LYG2: variants seen among roughly 807,000 people sequenced by gnomAD.
LYG2 encodes lysozyme g2.
A neutral mutation model predicts 22.4 loss-of-function variants in LYG2; 25 were observed. That is an observed-to-expected ratio of 1.12 (90% confidence interval 0.81 to 1.56). LYG2 has a LOEUF of 1.56. Among genes scored for constraint, LYG2 ranks in the 40% most tolerant of loss-of-function variants. LYG2 has a pLI of 0.00. For missense variants in LYG2, 266 were observed against 269.5 expected, an observed-to-expected ratio of 0.99 and a Z score of 0.09; for synonymous variants, 88 against 97.0, an observed-to-expected ratio of 0.91 and a Z score of 0.55.
Position 99,255,537 on chromosome 2 carries a change from A to G in LYG2, c.-144+66T>C, listed in dbSNP as rs1366961853. 3.3e-5 allele frequency among the ~76,000 whole-genome samples: 5 copies of G among 152,234 alleles called. No individual in the cohort carries two copies. The East Asian group carries it at 5.8e-4, about 18-fold the overall frequency. Reference sequence around the variant, plus strand: ...GCTTCTAAATTTGCGAATAAGAAACAGATAATTCACTTTAAAAGGATAACA... The same window carrying G: ...GCTTCTAAATTTGCGAATAAGAAACGGATAATTCACTTTAAAAGGATAACA... On this transcript the variant is annotated intron_variant, in intron 1 of 6. Transcript: ENST00000333017.
At chr2:99,250,576 A>G (rs13409401) in intron 3 of LYG2, among the ~76,000 whole-genome samples, 2,854 of 150,956 alleles carry the variant, frequency 0.019, 99 homozygotes, top group African/African-American at 0.065. Context: ...GGGTTTCAGC[A>G]TGTTAGCCAG....
rs201233687 is a variant in LYG2, at chr2:99,242,434, G to A, written c.569C>T (p.Ser190Leu). 87 of 1,613,334 alleles carry A rather than the reference G, an allele frequency of 5.4e-5. No homozygotes were observed. The highest frequency in any genetic ancestry group is 9.9e-5 in the South Asian group (9 of 90,900). ...KSGIEAIATP[S>L]DIDNDFVNDI... The stretch of plus-strand genomic sequence containing the variant: ...ATTGACGAAGTCATTGTCTATGTCC[G>A]ATGGGGTGGCAATCGCTTCAATTCC... Residue 190 changes from serine to leucine, a missense_variant, in exon 7 of 7, where the codon TCG becomes TTG. Physicochemically the swap from Ser to Leu is moderately radical, Grantham distance 145. Coordinates refer to ENST00000333017, the MANE Select transcript of LYG2 (RefSeq NM_175735.4).
At position 99,244,021 on chromosome 2, in the gene LYG2, C is replaced by G; in HGVS notation, c.498G>C (p.Trp166Cys). 6.2e-7 allele frequency: 1 copy of G among 1,614,080 alleles called. No individual in the cohort carries two copies. Among genetic ancestry groups the G allele is most frequent in the Admixed American group, 1.7e-5 (1 of 60,010 alleles). Residue 166 changes from tryptophan to cysteine, a missense_variant, in exon 6 of 7, where the codon TGG (tryptophan) becomes TGC (cysteine). Coordinates refer to ENST00000333017, the MANE Select transcript of LYG2 (RefSeq NM_175735.4). Reference sequence around the variant, plus strand: ...TACCTTTGAGGTGCTGAGCAACACTCCACGTGGGGAATTTTTTCTGGATTG... The same window carrying G: ...TACCTTTGAGGTGCTGAGCAACACTGCACGTGGGGAATTTTTTCTGGATTG... ...IKAIQKKFPT[W>C]SVAQHLKGGL...
intron 3 of LYG2, among the ~76,000 whole-genome samples, chr2:99,248,817 AAAG>A (rs1424389483): frequency 6.6e-6 from 1 of 151,804 alleles, no homozygotes. Context: ...GAAAGATAAG[AAAG>A]AAGGGCACCA....
At position 99,242,310 on chromosome 2, in the gene LYG2, T is replaced by G; in HGVS notation, c.*54A>C. 1 of 979,924 alleles carries G rather than the reference T, an allele frequency of 1.0e-6. No individual in the cohort carries two copies. Among genetic ancestry groups the G allele is most frequent in the South Asian group, 1.5e-5 (1 of 67,206 alleles). 60.7% of individuals were successfully genotyped at this position (979,924 alleles called of 1,614,324 possible). On this transcript the variant is annotated 3_prime_UTR_variant, in exon 7 of 7. Transcript: ENST00000333017. ...TATACAACACATTCACGTAAAACTC[T>G]CAAAGGCGGCCATCTGAGCACTCTG... is the stretch of plus-strand genomic sequence containing the variant.
In LYG2 at chr2:99,250,585, A is replaced by G. The variant is rs531703803; in HGVS notation, c.43+3633T>C. Among the ~76,000 whole-genome samples, 376 of 152,316 alleles carry G rather than the reference A, an allele frequency of 2.5e-3. 3 individuals are homozygous for G. The highest frequency in any genetic ancestry group is 8.4e-3 in the African/African-American group (348 of 41,578). On this transcript the variant is annotated intron_variant, in intron 3 of 6. Transcript: ENST00000333017. ...GAGGCGGGGTTTCAGCATGTTAGCC[A>G]GGATGGTCTCGATCTGCTGACCTTG...
chr2:99,259,763 C>A (rs2105278324), upstream of LYG2, among the ~76,000 whole-genome samples: 1 of 152,100 alleles, frequency 6.6e-6, no homozygotes, highest in East Asian at 1.9e-4. Flanking sequence ...ATTTGGATTT[C>A]CCCAGTTTGT....
In LYG2 at chr2:99,255,097, CA is replaced by C. The variant is rs1488458795; in HGVS notation, c.-104del. ...CTGTACTCAGCAGCAAACTGCACTT[CA>C]AGCTTTTACAAAGCGACGGCCTTTG... On this transcript the variant is annotated 5_prime_UTR_variant, in exon 2 of 7. It removes the in-frame stop codon of an upstream open reading frame in the 5' UTR. Transcript: ENST00000333017. 5 of 152,370 alleles carry C rather than the reference CA, an allele frequency of 3.3e-5. No homozygotes were observed. The highest frequency in any genetic ancestry group is 9.6e-5 in the African/African-American group (4 of 41,586). The allele number at this position is 152,370 out of a possible 1,614,324, so 9.4% of individuals were successfully genotyped here.
chr2:99,249,235 A>G (rs139328069), intron 3 of LYG2, among the ~76,000 whole-genome samples: 212 of 152,220 alleles, frequency 1.4e-3, no homozygotes, highest in Non-Finnish European at 2.4e-3. Flanking sequence ...AGCCTATGCA[A>G]CATGGCAAAA....
In LYG2 at chr2:99,251,870, C is replaced by G. The variant is rs199622618; in HGVS notation, c.43+2348G>C. On this transcript the variant is annotated intron_variant, in intron 3 of 6. Coordinates refer to ENST00000333017, the MANE Select transcript of LYG2 (RefSeq NM_175735.4). ...ATTTTTTTTTCCAGATGGAGTCTCA[C>G]TCTGTCGCCCAGGCTGGAGTGCAGT... Among the ~76,000 whole-genome samples the G allele has an allele frequency of 3.4e-5, 5 of 147,126 alleles. No homozygotes were observed. In the East Asian group the frequency reaches 8.5e-4, roughly 25 times the overall value.
At chr2:99,252,291 G>T (rs552820015) in intron 3 of LYG2, among the ~76,000 whole-genome samples, 87 of 125,904 alleles carry the variant, frequency 6.9e-4, no homozygotes, top group African/African-American at 2.5e-3. Flanking sequence ...CTGACCTCTT[G>T]ATCCGCCTGC....
chr2:99,243,505 G>C, intron 6 of LYG2: 1 of 1,482,280 alleles, frequency 6.7e-7, no homozygotes, highest in African/African-American at 1.4e-5. Context: ...TAGATAGATA[G>C]ATAGATAGAT....
intron 3 of LYG2, among the ~76,000 whole-genome samples, chr2:99,253,818 A>G (rs1179666123): frequency 6.6e-6 from 1 of 151,950 alleles, no homozygotes; most frequent in African/African-American, 2.4e-5. Flanking sequence ...CTTCCTCCCA[A>G]ACCTTTCCCA....
chr2:99,245,285 C>T lies in LYG2; in HGVS notation c.358G>A (p.Gly120Arg), dbSNP rs1255364338. 3 of 1,606,268 alleles carry T rather than the reference C, an allele frequency of 1.9e-6. No individual in the cohort carries two copies. The highest frequency in any genetic ancestry group is 8.5e-7 in the Non-Finnish European group (1 of 1,176,120). ...ACCTGCATCAAGCCAAATTTAAGTCCCCTGTGGTCCCAGCCGTCTTGCAGG... is the reference window on the plus strand; with the variant it reads ...ACCTGCATCAAGCCAAATTTAAGTCTCCTGTGGTCCCAGCCGTCTTGCAGG... ...SVLQDGWDHR[G>R]LKFGLMQLDK... The change falls in exon 5 of 7, where the codon GGA (glycine) becomes AGA (arginine). Residue 120 changes from glycine (G) to arginine (R), a missense_variant. Physicochemically the swap from Gly to Arg is moderately radical, Grantham distance 125. Coordinates refer to ENST00000333017, the MANE Select transcript of LYG2 (RefSeq NM_175735.4).
upstream of LYG2, among the ~76,000 whole-genome samples, chr2:99,260,566 G>C (rs151180805): frequency 3.0e-3 from 453 of 152,298 alleles, 4 homozygotes; most frequent in African/African-American, 0.011. Flanking sequence ...CACTATACCT[G>C]TGATGGAGAG....
At chr2:99,256,858 C>A, upstream of LYG2, among the ~76,000 whole-genome samples, 1 of 152,136 alleles carries the variant, frequency 6.6e-6, no homozygotes, top group East Asian at 1.9e-4. Context: ...ATTTGACACC[C>A]AACATTAGTC....
At chr2:99,242,902 C>T (rs1395243038) in intron 6 of LYG2, among the ~76,000 whole-genome samples, 1 of 152,196 alleles carries the variant, frequency 6.6e-6, no homozygotes, top group Non-Finnish European at 1.5e-5. Flanking sequence ...ACACTGACTG[C>T]AAGGTACCCA....
chr2:99,254,315 A>C (rs2094032227), intron 2 of LYG2, 30 bp from the exon 3 acceptor site: 1 of 1,556,442 alleles, frequency 6.4e-7, no homozygotes, highest in Non-Finnish European at 8.8e-7. Context: ...AAACTGGTTA[A>C]TTTTAAAACC....
At chr2:99,257,361 G>A (rs568274511), upstream of LYG2, among the ~76,000 whole-genome samples, 2 of 152,276 alleles carry the variant, frequency 1.3e-5, no homozygotes, top group East Asian at 3.9e-4. Flanking sequence ...ATAGGAAGGG[G>A]CATAACCTAA....
Sources: allele counts gnomAD v4.1 joint callset (sites outside exome capture counted in the v4.1 genomes callset), GRCh38; gene constraint gnomAD v4.1.1; transcripts MANE v1.5; gene names NCBI Gene and HGNC (gene_info 2026-07-23, HGNC 2026-07-21).